ROBO2: variants seen among roughly 807,000 people sequenced by gnomAD.
ROBO2 encodes the protein roundabout homolog 2.
In ROBO2, 53 loss-of-function variants were observed where a neutral mutation model predicts 160.8. That is an observed-to-expected ratio of 0.33 (90% confidence interval 0.26 to 0.41). The LOEUF is 0.41. ROBO2 is among the 10% of genes least tolerant of loss of function. The pLI is 1.00. For missense variants in ROBO2, 1,577 were observed against 1,722.4 expected (o/e 0.92, Z 1.49); for synonymous variants, 664 against 611.7 (o/e 1.09, Z -1.26).
chr3:77,228,730 G>A (rs2086797216), intron 2 of ROBO2, among the ~76,000 whole-genome samples: 1 of 151,266 alleles, frequency 6.6e-6, no homozygotes, highest in African/African-American at 2.4e-5. Context: ...CAGAACTTAA[G>A]TATAATAATA....
In ROBO2 at chr3:77,255,800, T is replaced by A. The variant is rs556837198; in HGVS notation, c.388+157460T>A. Among the ~76,000 whole-genome samples the A allele has an allele frequency of 7.9e-5, 12 of 152,264 alleles. No homozygotes were observed. In the South Asian group the frequency reaches 1.9e-3, roughly 24 times the overall value. On this transcript the variant is annotated intron_variant, in intron 2 of 25. Coordinates refer to ENST00000461745, the Ensembl canonical transcript of ROBO2. ...CAATGCAGTTTTCATCTAGAAAAAA[T>A]TTTAATCTATTCTGTATAAAGCAAT...
intron 2 of ROBO2, among the ~76,000 whole-genome samples, chr3:76,849,686 T>C (rs973433708): frequency 1.3e-5 from 2 of 152,220 alleles, no homozygotes; most frequent in Admixed American, 6.5e-5. Context: ...TCATGCAGCA[T>C]AGTATTATAG....
intron 2 of ROBO2, among the ~76,000 whole-genome samples, chr3:76,877,202 A>G (rs2072836876): frequency 1.3e-5 from 2 of 152,224 alleles, no homozygotes; most frequent in African/African-American, 4.8e-5. Context: ...TAAGATTATA[A>G]CATTTCTCTG....
chr3:75,908,072 C>G (rs1576090289), intron 1 of ROBO2, among the ~76,000 whole-genome samples: 1 of 152,012 alleles, frequency 6.6e-6, no homozygotes, highest in African/African-American at 2.4e-5. Context: ...GAATACCTGT[C>G]AATAAAATCG....
chr3:76,478,676 C>T (rs1207354352), intron 2 of ROBO2, among the ~76,000 whole-genome samples: 2 of 142,998 alleles, frequency 1.4e-5, no homozygotes, highest in Middle Eastern at 3.6e-3. Context: ...ACACTTTTTT[C>T]TCTGTTTTTT....
chr3:75,912,084 C>T (rs77566815), intron 1 of ROBO2, among the ~76,000 whole-genome samples: 2 of 152,170 alleles, frequency 1.3e-5, no homozygotes, highest in Non-Finnish European at 2.9e-5. Flanking sequence ...ACAAAACATT[C>T]CCATCTCCTA....
chr3:76,002,876 T>G (rs1156691375), intron 2 of ROBO2, among the ~76,000 whole-genome samples: 7 of 152,152 alleles, frequency 4.6e-5, no homozygotes. Context: ...TCCAGAACTC[T>G]GAGACAGTAC....
At chr3:76,407,695 A>G (rs899891222) in intron 2 of ROBO2, among the ~76,000 whole-genome samples, 1 of 152,046 alleles carries the variant, frequency 6.6e-6, no homozygotes, top group Non-Finnish European at 1.5e-5. Context: ...ATCTGGAATT[A>G]TGTTTAATTA....
At chr3:76,548,128 A>G (rs2083213982) in intron 2 of ROBO2, among the ~76,000 whole-genome samples, 1 of 152,098 alleles carries the variant, frequency 6.6e-6, no homozygotes, top group Non-Finnish European at 1.5e-5. Flanking sequence ...TGATGTTTGG[A>G]TATTCAGAAT....
chr3:77,369,451 G>A (rs907478716), intron 2 of ROBO2, among the ~76,000 whole-genome samples: 2 of 152,154 alleles, frequency 1.3e-5, no homozygotes, highest in African/African-American at 4.8e-5. Context: ...CAGTCTCTTG[G>A]AAACCAAGCG....
intron 2 of ROBO2, among the ~76,000 whole-genome samples, chr3:77,143,828 T>C (rs1397605295): frequency 6.6e-6 from 1 of 152,154 alleles, no homozygotes; most frequent in Admixed American, 6.5e-5. Flanking sequence ...TATTTTTTAG[T>C]ATTCTGGTGC....
intron 2 of ROBO2, among the ~76,000 whole-genome samples, chr3:76,585,079 G>A (rs146339576): frequency 7.0e-4 from 107 of 152,226 alleles, no homozygotes; most frequent in African/African-American, 2.5e-3. Flanking sequence ...AATAGCAATC[G>A]CTAGCAATCA....
chr3:77,327,189 A>G (rs145625141), intron 2 of ROBO2, among the ~76,000 whole-genome samples: 87 of 152,340 alleles, frequency 5.7e-4, no homozygotes, highest in African/African-American at 1.9e-3. Context: ...ATGTAGCCGA[A>G]TATACCTTAT....
intron 2 of ROBO2, among the ~76,000 whole-genome samples, chr3:76,686,617 G>A (rs2092690999): frequency 6.6e-6 from 1 of 152,006 alleles, no homozygotes; most frequent in Non-Finnish European, 1.5e-5. Flanking sequence ...GATCATATTA[G>A]TGTTTGAATA....
chr3:76,224,502 G>A (rs1003720887), intron 2 of ROBO2, among the ~76,000 whole-genome samples: 8 of 152,118 alleles, frequency 5.3e-5, no homozygotes, highest in Non-Finnish European at 1.0e-4. Context: ...ATTGGATGAT[G>A]CCCACCAACA....
chr3:76,684,085 A>C (rs574576543), intron 2 of ROBO2, among the ~76,000 whole-genome samples: 3 of 152,168 alleles, frequency 2.0e-5, no homozygotes, highest in Non-Finnish European at 4.4e-5. Flanking sequence ...ACATCATTAG[A>C]AAGAGAAGAG....
At chr3:76,806,795 C>T (rs1287038132) in intron 2 of ROBO2, among the ~76,000 whole-genome samples, 4 of 152,082 alleles carry the variant, frequency 2.6e-5, no homozygotes, top group South Asian at 2.1e-4. Flanking sequence ...CACAGATATA[C>T]GTATACATAT....
chr3:76,874,048 C>G (rs1220334464), intron 2 of ROBO2, among the ~76,000 whole-genome samples: 1 of 152,050 alleles, frequency 6.6e-6, no homozygotes. Flanking sequence ...CTCCAGTTCC[C>G]CAAGTTAAGA....
In ROBO2 at chr3:76,146,697, G is replaced by GGTGTGTGTGTGT. The variant is rs139527329; in HGVS notation, c.109+209114_109+209125dup. 1.4e-3 allele frequency among the ~76,000 whole-genome samples: 188 copies of GGTGTGTGTGTGT among 136,492 alleles called. 1 individual carries two copies. Among genetic ancestry groups the GGTGTGTGTGTGT allele is most frequent in the African/African-American group, 4.8e-3 (181 of 37,356 alleles). 89.5% of individuals were successfully genotyped at this position (136,492 alleles called of 152,430 possible). The stretch of plus-strand genomic sequence containing the variant: ...CACTTAAAAGCATGGGATTACATAG[G>GGTGTGTGTGTGT]GTGTGTGTGTGTGTGTGTGTGTGTG... On this transcript the variant is annotated intron_variant, in intron 2 of 26. Coordinates refer to the ROBO2 transcript ENST00000487694.
Sources: gnomAD v4.1 joint callset for allele counts (sites outside exome capture counted in the v4.1 genomes callset) on GRCh38, gnomAD v4.1.1 for gene constraint, MANE v1.5 for transcripts, NCBI Gene and HGNC (gene_info 2026-07-23, HGNC 2026-07-21) for gene names.